The following SIL1 variants were observed in gnomAD, a reference collection of about 807,000 sequenced individuals.
SIL1 encodes SIL1 nucleotide exchange factor, also known as nucleotide exchange factor SIL1.
Under a neutral mutation model 49.1 loss-of-function variants are expected in SIL1, and 40 were observed. The ratio of observed to expected loss-of-function variants is 0.81; its 90% CI spans 0.63 to 1.06. The LOEUF is 1.06. SIL1 is among the 50% of genes least tolerant of loss of function. SIL1 has a pLI of 0.00. For missense variants in SIL1, 500 were observed against 572.6 expected (o/e 0.87, Z 1.29); for synonymous variants, 253 against 250.8 (o/e 1.01, Z -0.08).
chr5:139,113,769 G>T lies in SIL1; in HGVS notation c.244+7266C>A, dbSNP rs536175044. Among the ~76,000 whole-genome samples the T allele has an allele frequency of 2.0e-5, 3 of 152,344 alleles. No homozygotes were observed. In the South Asian group the frequency reaches 6.2e-4, roughly 32 times the overall value. ...TGGGGTGAGGCCAATATTAGAAAAG[G>T]AAGCAAAGTCAGAGCTACAAAGGTT... On this transcript the variant is annotated intron_variant, in intron 3 of 9. Transcript: ENST00000394817.
intron 1 of SIL1, among the ~76,000 whole-genome samples, chr5:139,149,233 C>T (rs995657159): frequency 1.4e-4 from 22 of 152,160 alleles, no homozygotes; most frequent in African/African-American, 5.1e-4. Flanking sequence ...TTAACAGTCA[C>T]GCCAATCTGG....
At position 139,056,595 on chromosome 5, in the gene SIL1, T is replaced by G. The variant is rs1334676539; in HGVS notation, c.245-5549A>C. On this transcript the variant is annotated intron_variant, in intron 3 of 9. Coordinates refer to ENST00000394817, the MANE Select transcript of SIL1 (RefSeq NM_022464.5). ...CCAGCCGCCCCGTCCGGGAGGGAGG[T>G]GGGGGGGTCAGCCCCCCGCCCGGCC... Among the ~76,000 whole-genome samples, 522 of 126,548 alleles carry G rather than the reference T, an allele frequency of 4.1e-3. 4 individuals carry two copies. The highest frequency in any genetic ancestry group is 6.9e-3 in the Non-Finnish European group (422 of 60,834). The allele number at this position is 126,548 out of a possible 152,430, so 83.0% of individuals were successfully genotyped here.
At chr5:139,118,768 C>G (rs1271325228) in intron 3 of SIL1, among the ~76,000 whole-genome samples, 2 of 152,130 alleles carry the variant, frequency 1.3e-5, no homozygotes, top group Non-Finnish European at 2.9e-5. Context: ...CCACACACAC[C>G]CTTGAGAGGT....
intron 3 of SIL1, among the ~76,000 whole-genome samples, chr5:139,084,795 AT>A (rs1201222368): frequency 2.5e-4 from 37 of 150,944 alleles, no homozygotes; most frequent in African/African-American, 4.4e-4. Flanking sequence ...AAAAATAAAA[AT>A]AAATAAAAAA....
intron 5 of SIL1, among the ~76,000 whole-genome samples, chr5:139,040,046 G>A (rs1769004165): frequency 7.2e-6 from 1 of 139,634 alleles, no homozygotes; most frequent in African/African-American, 2.9e-5. Context: ...TAATTAAGAG[G>A]ATATGGCCGA....
intron 7 of SIL1, among the ~76,000 whole-genome samples, chr5:138,959,985 C>T (rs1021031780): frequency 6.6e-6 from 1 of 152,138 alleles, no homozygotes; most frequent in Non-Finnish European, 1.5e-5. Flanking sequence ...TTTATTCTTA[C>T]TAAAGAATAA....
rs143204223 is a variant in SIL1 at position 139,086,302 on chromosome 5, A to C, written c.244+34733T>G. Among the ~76,000 whole-genome samples the C allele has an allele frequency of 5.7e-4, 86 of 150,710 alleles. No homozygotes were observed. In the East Asian group the frequency reaches 9.6e-3, roughly 17 times the overall value. On this transcript the variant is annotated intron_variant, in intron 3 of 9. Coordinates refer to ENST00000394817, the MANE Select transcript of SIL1 (RefSeq NM_022464.5). Reference sequence around the variant, plus strand: ...AAAAAAAAAAAAGAAGAAGAAGAAGAAGCAATTTGCCAAATTTAACTTCTA... The same window carrying C: ...AAAAAAAAAAAAGAAGAAGAAGAAGCAGCAATTTGCCAAATTTAACTTCTA...
chr5:139,107,902 T>C (rs1770752725), intron 3 of SIL1: 1 of 152,216 alleles, frequency 6.6e-6, no homozygotes, highest in Admixed American at 6.5e-5. Context: ...GAGGGATAGT[T>C]CATTAATCTT....
At chr5:139,193,477 A>G (rs184577509) in intron 1 of SIL1, among the ~76,000 whole-genome samples, 323 of 152,270 alleles carry the variant, frequency 2.1e-3, no homozygotes, top group Admixed American at 3.1e-3. Flanking sequence ...CTGAAGCACA[A>G]GAATCACTTG....
intron 1 of SIL1, among the ~76,000 whole-genome samples, chr5:139,182,189 G>A (rs1047615862): frequency 6.6e-6 from 1 of 152,186 alleles, no homozygotes; most frequent in Non-Finnish European, 1.5e-5. Context: ...CTTGGGAGCA[G>A]GCAAGCCAGC....
At chr5:139,112,098 C>T (rs1257884999) in intron 3 of SIL1, among the ~76,000 whole-genome samples, 1 of 152,270 alleles carries the variant, frequency 6.6e-6, no homozygotes, top group East Asian at 1.9e-4. Flanking sequence ...CCGCCAGCCT[C>T]GGCCTCCCGA....
At chr5:139,121,292 T>C in intron 2 of SIL1, 119 bp from the exon 3 acceptor site, 2 of 1,388,614 alleles carry the variant, frequency 1.4e-6, no homozygotes, top group Non-Finnish European at 2.0e-6. Flanking sequence ...CAGCCTGATA[T>C]GTCTGGACAC....
chr5:139,148,171 TC>T, intron 1 of SIL1, among the ~76,000 whole-genome samples: 1 of 151,770 alleles, frequency 6.6e-6, no homozygotes. Flanking sequence ...TGGTATCTGT[TC>T]TCTTTAAGAG....
chr5:139,041,792 G>GCACCGC (rs1433665734), intron 5 of SIL1, among the ~76,000 whole-genome samples: 1 of 140,780 alleles, frequency 7.1e-6, no homozygotes, highest in African/African-American at 2.7e-5. Context: ...CCATCTGGGC[G>GCACCGC]ACAGAGCAAG....
chr5:139,166,840 A>T (rs1004955623), intron 1 of SIL1, among the ~76,000 whole-genome samples: 17 of 148,978 alleles, frequency 1.1e-4, no homozygotes, highest in Non-Finnish European at 2.4e-4. Context: ...ACAGAGTCTC[A>T]CTCTGTCGCC....
At chr5:139,121,576 CAT>C (rs1333679662) in intron 2 of SIL1, among the ~76,000 whole-genome samples, 1 of 152,098 alleles carries the variant, frequency 6.6e-6, no homozygotes, top group African/African-American at 2.4e-5. Flanking sequence ...TAAAAATAAA[CAT>C]ATTTAGAAAA....
At chr5:139,044,366 T>C (rs1260792983) in intron 4 of SIL1, among the ~76,000 whole-genome samples, 1 of 152,084 alleles carries the variant, frequency 6.6e-6, no homozygotes, top group Non-Finnish European at 1.5e-5. Context: ...TAAGACTTGG[T>C]CAGGACTAAT....
In SIL1 at chr5:138,953,949, C is replaced by T. The variant is rs184127132; in HGVS notation, c.768-2065G>A. Among the ~76,000 whole-genome samples, 4 of 152,348 alleles carry T rather than the reference C, an allele frequency of 2.6e-5. No individual in the cohort carries two copies. In the East Asian group the frequency reaches 5.8e-4, roughly 22 times the overall value. ...TCAGAGCAGCAGAGACAAGGCCCTC[C>T]AAAGACAGCACAAAGCTCATCACAG... is the stretch of plus-strand genomic sequence containing the variant. On this transcript the variant is annotated intron_variant, in intron 7 of 9. Coordinates refer to ENST00000394817, the MANE Select transcript of SIL1 (RefSeq NM_022464.5).
Position 139,147,984 on chromosome 5 carries a change from C to G in SIL1, c.-10-20131G>C, listed in dbSNP as rs1009747205. ...GAGAGCCCTGGTTTTCTTCTAGAGT[C>G]TCCTAATGAGGTGGCTTCTCTTCAC... On this transcript the variant is annotated intron_variant, in intron 1 of 9. Transcript: ENST00000394817. Among the ~76,000 whole-genome samples, 27 of 152,202 alleles carry G rather than the reference C, an allele frequency of 1.8e-4. 1 individual carries two copies. In the Middle Eastern group the frequency reaches 0.01, roughly 58 times the overall value.
Sources: allele counts gnomAD v4.1 joint callset (sites outside exome capture counted in the v4.1 genomes callset), GRCh38; gene constraint gnomAD v4.1.1; transcripts MANE v1.5; gene names NCBI Gene and HGNC (gene_info 2026-07-23, HGNC 2026-07-21).